The following CD96 variants were observed in gnomAD, a reference collection of about 807,000 sequenced individuals.
The protein encoded by CD96 is T-cell surface protein tactile.
Under a neutral mutation model 71.3 loss-of-function variants are expected in CD96, and 70 were observed. The ratio of observed to expected loss-of-function variants is 0.98; its 90% CI spans 0.81 to 1.20. The LOEUF (loss-of-function observed/expected upper bound fraction) is 1.20. Ranked by LOEUF, CD96 falls within the 50% of genes most tolerant of loss-of-function variation. The pLI, the probability that CD96 is intolerant of heterozygous loss-of-function variation, is 0.00. For synonymous variants in CD96, 248 were observed against 233.0 expected, an observed-to-expected ratio of 1.06 and a Z score of -0.59; for missense variants, 742 against 677.5, an observed-to-expected ratio of 1.10 and a Z score of -1.06.
chr3:111,647,920 G>C (rs776214125), intron 13 of CD96, among the ~76,000 whole-genome samples: 1 of 152,066 alleles, frequency 6.6e-6, no homozygotes, highest in Non-Finnish European at 1.5e-5. Flanking sequence ...CAAGTCCGTG[G>C]ACATGAAATG....
At position 111,545,343 on chromosome 3, in the gene CD96, T is replaced by C. The variant is rs199773662; in HGVS notation, c.359T>C (p.Leu120Pro). Residue 120 changes from leucine to proline, a missense_variant, in exon 2 of 14, where the codon CTT becomes CCT. Coordinates refer to ENST00000352690, the MANE Select transcript of CD96 (RefSeq NM_005816.5). ...GTCAGTGGAAGGTACGAGTGTATGC[T>C]TGTTCTGTATCCAGAGGGCATTCAG... ...CSVSGRYECM[L>P]VLYPEGIQTK... 2.4e-4 allele frequency: 391 copies of C among 1,614,078 alleles called. No individual in the cohort carries two copies. The highest frequency in any genetic ancestry group is 3.0e-4 in the Non-Finnish European group (351 of 1,179,898).
chr3:111,643,931 A>C (rs73230146), intron 12 of CD96, among the ~76,000 whole-genome samples: 14,246 of 152,190 alleles, frequency 0.094, 927 homozygotes, highest in Non-Finnish European at 0.14. Context: ...TTAGAAATTC[A>C]ATGCAATACC....
At chr3:111,568,897 A>T (rs1279897912) in intron 3 of CD96, among the ~76,000 whole-genome samples, 2 of 152,190 alleles carry the variant, frequency 1.3e-5, no homozygotes, top group Non-Finnish European at 2.9e-5. Flanking sequence ...ACAATTATAG[A>T]GGTGATCATA....
At position 111,606,696 on chromosome 3, in the gene CD96, TA is replaced by T; in HGVS notation, c.1088-2del. 6.8e-7 allele frequency: 1 copy of T among 1,460,272 alleles called. No homozygotes were observed. The highest frequency in any genetic ancestry group is 9.6e-7 in the Non-Finnish European group (1 of 1,039,774). 90.5% of individuals were successfully genotyped at this position (1,460,272 alleles called of 1,614,324 possible). On this transcript the variant is annotated splice_polypyrimidine_tract_variant and splice_region_variant and intron_variant, in intron 7 of 13. Transcript: ENST00000352690. ...CATTATAAATCTCTTTCTAATCCTT[TA>T]AGGTTCTGAAATTTCCTCAACAGAC...
intron 6 of CD96, among the ~76,000 whole-genome samples, chr3:111,599,486 G>A (rs73230104): frequency 0.11 from 16,470 of 152,060 alleles, 1,085 homozygotes; most frequent in Non-Finnish European, 0.14. Flanking sequence ...TTGGGAGGCC[G>A]AAGGGTGTGG....
intron 8 of CD96, among the ~76,000 whole-genome samples, chr3:111,617,455 A>T (rs1194528320): frequency 6.6e-6 from 1 of 152,190 alleles, no homozygotes; most frequent in Non-Finnish European, 1.5e-5. Flanking sequence ...AGCCCATGAA[A>T]AACCGGGGAT....
intron 2 of CD96, among the ~76,000 whole-genome samples, chr3:111,551,706 T>G (rs1934714789): frequency 2.0e-5 from 3 of 152,094 alleles, no homozygotes; most frequent in African/African-American, 7.2e-5. Context: ...TTCCTGATGC[T>G]CTCCTTCACC....
chr3:111,593,295 T>C (rs1318164291), intron 5 of CD96: 2 of 377,244 alleles, frequency 5.3e-6, no homozygotes, highest in Non-Finnish European at 9.3e-6. Flanking sequence ...AGAGTTTTAC[T>C]TTGGTAGAAG....
At chr3:111,581,734 C>G (rs1010002541) in intron 4 of CD96, among the ~76,000 whole-genome samples, 1 of 152,184 alleles carries the variant, frequency 6.6e-6, no homozygotes. Flanking sequence ...AGTAGTTGTT[C>G]TTTCTTTCAG....
chr3:111,573,514 C>T (rs962594204), intron 3 of CD96, among the ~76,000 whole-genome samples: 9 of 152,182 alleles, frequency 5.9e-5, no homozygotes, highest in African/African-American at 2.2e-4. Context: ...CAGACATATA[C>T]TACACCAAGA....
intron 14 of CD96, among the ~76,000 whole-genome samples, chr3:111,663,780 G>T (rs561198528): frequency 2.1e-5 from 3 of 146,012 alleles, no homozygotes; most frequent in Non-Finnish European, 4.5e-5. Flanking sequence ...ATGGAGTCTC[G>T]CTCTGTTGCC....
At chr3:111,572,860 A>G (rs1163585586) in intron 3 of CD96, among the ~76,000 whole-genome samples, 1 of 152,214 alleles carries the variant, frequency 6.6e-6, no homozygotes, top group Non-Finnish European at 1.5e-5. Flanking sequence ...CATCTGCCTG[A>G]TCTCATGCCA....
At chr3:111,620,461 G>A (rs756212560) in intron 8 of CD96, among the ~76,000 whole-genome samples, 1 of 152,228 alleles carries the variant, frequency 6.6e-6, no homozygotes, top group Non-Finnish European at 1.5e-5. Flanking sequence ...AGAGAGAGGG[G>A]TAGATTTAAT....
chr3:111,579,748 C>T (rs759567856), intron 4 of CD96, among the ~76,000 whole-genome samples: 2 of 152,054 alleles, frequency 1.3e-5, no homozygotes, highest in African/African-American at 2.4e-5. Context: ...ACTCCAGTAA[C>T]CCATTAATCC....
At chr3:111,600,682 A>G (rs986251005) in intron 6 of CD96, 44 bp from the exon 7 acceptor site, 1 of 1,382,888 alleles carries the variant, frequency 7.2e-7, no homozygotes, top group Non-Finnish European at 1.0e-6. Flanking sequence ...TATGGCTCAT[A>G]CATAAAATGT....
At chr3:111,634,943 A>T (rs974070047) in intron 10 of CD96, 5 of 152,808 alleles carry the variant, frequency 3.3e-5, no homozygotes, top group Non-Finnish European at 7.3e-5. Flanking sequence ...TGAGACTCCC[A>T]AGAAGACTTT....
At position 111,606,701 on chromosome 3, in the gene CD96, T is replaced by C. The variant is rs770622303; in HGVS notation, c.1089T>C (p.Gly363=). ...ISSEKITFLL[G]SEISSTDPPL... Reference sequence around the variant, plus strand: ...TAAATCTCTTTCTAATCCTTTAAGGTTCTGAAATTTCCTCAACAGACCCTC... The same window carrying C: ...TAAATCTCTTTCTAATCCTTTAAGGCTCTGAAATTTCCTCAACAGACCCTC... Residue 363 remains glycine, a splice_region_variant and synonymous_variant, in exon 8 of 14, where the codon GGT becomes GGC. Coordinates refer to ENST00000352690, the MANE Select transcript of CD96 (RefSeq NM_005816.5). The C allele has an allele frequency of 4.0e-6, 6 of 1,498,252 alleles. No homozygotes were observed. The highest frequency in any genetic ancestry group is 1.7e-5 in the Admixed American group (1 of 59,824). 92.8% of individuals were successfully genotyped at this position (1,498,252 alleles called of 1,614,324 possible). A position where few individuals can be genotyped will look rare whatever the true frequency, so the allele number is the denominator to read the frequency against.
intron 8 of CD96, among the ~76,000 whole-genome samples, chr3:111,618,320 C>T (rs1211261105): frequency 1.3e-5 from 2 of 152,160 alleles, no homozygotes; most frequent in Admixed American, 6.5e-5. Flanking sequence ...CTCAAGGATC[C>T]CGTGACAATT....
Position 111,593,693 on chromosome 3 carries a change from C to G in CD96, c.808-4427C>G, listed in dbSNP as rs149628986. 1.2e-5 allele frequency: 19 copies of G among 1,613,716 alleles called. 1 individual carries two copies. The highest frequency in any genetic ancestry group is 1.7e-4 in the Middle Eastern group (1 of 6,056). ...CTCCCTTTTTTCCACAGCCCTCTCC[C>G]GCCATTCCACTGCCCTTTCCCTCCT... On this transcript the variant is annotated intron_variant, in intron 5 of 13. Transcript: ENST00000352690.
Sources: allele counts gnomAD v4.1 joint callset (sites outside exome capture counted in the v4.1 genomes callset), GRCh38; gene constraint gnomAD v4.1.1; transcripts MANE v1.5; gene names NCBI Gene and HGNC (gene_info 2026-07-23, HGNC 2026-07-21).